LRRN3: variants seen among roughly 807,000 people sequenced by gnomAD.
The protein encoded by LRRN3 is leucine rich repeat neuronal 3, also known as leucine-rich repeat neuronal protein 3.
In LRRN3, 15 loss-of-function variants were observed where a neutral mutation model predicts 40.1. The ratio of observed to expected loss-of-function variants is 0.37; its 90% CI spans 0.25 to 0.58. The LOEUF (loss-of-function observed/expected upper bound fraction) is 0.58, where lower values mean the gene tolerates loss of function less well. LRRN3 is among the 20% of genes least tolerant of loss of function. LRRN3 has a pLI of 0.72. For missense variants in LRRN3, 746 were observed against 837.7 expected, an observed-to-expected ratio of 0.89 and a Z score of 1.35; for synonymous variants, 308 against 297.2, an observed-to-expected ratio of 1.04 and a Z score of -0.37.
In LRRN3 at chr7:111,124,995, A is replaced by T; in HGVS notation, c.*96A>T. The T allele has an allele frequency of 1.1e-6, 1 of 870,176 alleles. No homozygotes were observed. The highest frequency in any genetic ancestry group is 2.7e-5 in the East Asian group (1 of 36,454). 53.9% of individuals were successfully genotyped at this position (870,176 alleles called of 1,614,324 possible). A position where few individuals can be genotyped will look rare whatever the true frequency, so the allele number is the denominator to read the frequency against. Reference sequence around the variant, plus strand: ...AACAAAACAAAACAAACAAACAAACAAAAAAGTAAAAAAAGATTACTTTCG... The same window carrying T: ...AACAAAACAAAACAAACAAACAAACTAAAAAGTAAAAAAAGATTACTTTCG... On this transcript the variant is annotated 3_prime_UTR_variant, in exon 3 of 3. Coordinates refer to ENST00000308478, the MANE Select transcript of LRRN3 (RefSeq NM_001099658.2).
At chr7:111,098,939 A>G (rs964168479) in intron 1 of LRRN3, among the ~76,000 whole-genome samples, 3 of 151,744 alleles carry the variant, frequency 2.0e-5, no homozygotes, top group Non-Finnish European at 4.4e-5. Flanking sequence ...GTTTCATATC[A>G]TGCATTCTGC....
At chr7:111,107,863 T>C (rs377195514) in intron 2 of LRRN3, among the ~76,000 whole-genome samples, 11 of 152,180 alleles carry the variant, frequency 7.2e-5, no homozygotes, top group Non-Finnish European at 1.0e-4. Flanking sequence ...GACTCTAGCA[T>C]GCAAAGCTTA....
intron 2 of LRRN3, among the ~76,000 whole-genome samples, chr7:111,117,757 C>T (rs1404031817): frequency 6.6e-6 from 1 of 152,018 alleles, no homozygotes; most frequent in Non-Finnish European, 1.5e-5. Flanking sequence ...TACAAATGAA[C>T]TTAGCCAGCA....
rs1447814300 is a variant in LRRN3 at position 111,124,811 on chromosome 7, T to C, written c.2039T>C (p.Leu680Pro). The C allele has an allele frequency of 6.2e-7, 1 of 1,612,890 alleles. No individual in the cohort carries two copies. The highest frequency in any genetic ancestry group is 1.1e-5 in the South Asian group (1 of 91,052). The part of the protein sequence containing the change: ...TFALGELYPP[L>P]INLWEAGKEK... ...GCATTAGGTGAGCTTTATCCTCCTC[T>C]GATAAATCTCTGGGAAGCAGGAAAA... The change falls in exon 3 of 3, where the codon CTG (leucine) becomes CCG (proline). Residue 680 changes from leucine (L) to proline (P), a missense_variant. By Grantham distance (98) the Leu-to-Pro change is moderately conservative. Coordinates refer to ENST00000308478, the MANE Select transcript of LRRN3 (RefSeq NM_001099658.2).
intron 2 of LRRN3, among the ~76,000 whole-genome samples, chr7:111,121,210 T>A (rs1214226623): frequency 1.3e-5 from 2 of 152,068 alleles, no homozygotes; most frequent in Admixed American, 6.6e-5. Context: ...GTTGTTTGTT[T>A]TTTTCTTGTA....
chr7:111,105,535 T>C (rs1586298874), intron 2 of LRRN3, among the ~76,000 whole-genome samples: 2 of 151,986 alleles, frequency 1.3e-5, no homozygotes, highest in South Asian at 4.1e-4. Flanking sequence ...ATCACAAAAA[T>C]GGGTTGCTGT....
intron 2 of LRRN3, among the ~76,000 whole-genome samples, chr7:111,119,744 T>C (rs1800356481): frequency 6.6e-6 from 1 of 152,162 alleles, no homozygotes; most frequent in East Asian, 1.9e-4. Flanking sequence ...ACATACTACA[T>C]TATAATGATA....
intron 2 of LRRN3, among the ~76,000 whole-genome samples, chr7:111,103,274 C>T (rs776651279): frequency 5.3e-5 from 8 of 151,484 alleles, no homozygotes; most frequent in Non-Finnish European, 8.9e-5. Flanking sequence ...CTATCTATTC[C>T]GTTGCCAACA....
At chr7:111,110,303 A>G (rs908946501) in intron 2 of LRRN3, among the ~76,000 whole-genome samples, 1 of 152,226 alleles carries the variant, frequency 6.6e-6, no homozygotes, top group Non-Finnish European at 1.5e-5. Flanking sequence ...TCAGTCATTA[A>G]AGAAAACCTC....
intron 1 of LRRN3, chr7:111,096,980 C>T (rs1485237376): frequency 6.6e-6 from 1 of 151,682 alleles, no homozygotes; most frequent in Admixed American, 6.6e-5. Context: ...AATAAAAATC[C>T]CTTTAAAAAA....
At chr7:111,108,262 C>T (rs377407008) in intron 2 of LRRN3, among the ~76,000 whole-genome samples, 1 of 152,156 alleles carries the variant, frequency 6.6e-6, no homozygotes, top group African/African-American at 2.4e-5. Flanking sequence ...GTACTTAACA[C>T]TCAATTATAT....
At position 111,123,992 on chromosome 7, in the gene LRRN3, T is replaced by C; in HGVS notation, c.1220T>C (p.Val407Ala). 6.2e-7 allele frequency: 1 copy of C among 1,614,072 alleles called. No individual in the cohort carries two copies. Among genetic ancestry groups the C allele is most frequent in the Non-Finnish European group, 8.5e-7 (1 of 1,179,992 alleles). Residue 407 changes from valine to alanine, a missense_variant, in exon 3 of 3, where the codon GTT (valine) becomes GCT (alanine). Transcript: ENST00000308478. This position sits in a 1 kb window ranked among gnomAD's most constrained non-coding sequence, Gnocchi z 6.4. ...VDPPEFQGQN[V>A]RQVHFRDMME... is the part of the protein sequence containing the mutation. ...CCACCTGAATTCCAAGGTCAGAATG[T>C]TCGGCAAGTGCATTTCAGGGACATG...
At chr7:111,097,639 A>C (rs1011215492) in intron 1 of LRRN3, among the ~76,000 whole-genome samples, 3 of 151,944 alleles carry the variant, frequency 2.0e-5, no homozygotes, top group African/African-American at 7.2e-5. Context: ...CATACAATTC[A>C]TGTTTTTATG....
At chr7:111,100,537 TATA>T (rs1255462355) in intron 2 of LRRN3, among the ~76,000 whole-genome samples, 1 of 149,746 alleles carries the variant, frequency 6.7e-6, no homozygotes, top group African/African-American at 2.4e-5. Flanking sequence ...ACCTGATTAG[TATA>T]ATATTATTTA....
At chr7:111,097,354 A>G (rs1797511031) in intron 1 of LRRN3, 1 of 151,898 alleles carries the variant, frequency 6.6e-6, no homozygotes, top group African/African-American at 2.4e-5. Flanking sequence ...TTAACTATAG[A>G]AGACATTTAA....
intron 2 of LRRN3, among the ~76,000 whole-genome samples, chr7:111,120,908 T>C (rs954009156): frequency 1.3e-5 from 2 of 151,974 alleles, no homozygotes; most frequent in Non-Finnish European, 2.9e-5. Flanking sequence ...TATTCATTTA[T>C]TGGCCTTTTA....
chr7:111,120,888 T>C (rs1800517387), intron 2 of LRRN3, among the ~76,000 whole-genome samples: 2 of 151,942 alleles, frequency 1.3e-5, no homozygotes, highest in African/African-American at 4.8e-5. Context: ...TGGTTGTAAG[T>C]GAACAGTATT....
intron 2 of LRRN3, among the ~76,000 whole-genome samples, chr7:111,117,316 C>T (rs1297805799): frequency 6.6e-6 from 1 of 152,208 alleles, no homozygotes; most frequent in South Asian, 2.1e-4. Context: ...AATCTTACAA[C>T]TCATGCAACC....
intron 1 of LRRN3, among the ~76,000 whole-genome samples, chr7:111,096,822 A>G (rs1441657469): frequency 1.3e-5 from 2 of 151,972 alleles, no homozygotes; most frequent in Non-Finnish European, 2.9e-5. Context: ...GACACACTAA[A>G]TAAGATAAAA....
Sources: allele counts gnomAD v4.1 joint callset (sites outside exome capture counted in the v4.1 genomes callset), GRCh38; gene constraint gnomAD v4.1.1; non-coding constraint Gnocchi (gnomAD v3.1); transcripts MANE v1.5; gene names NCBI Gene and HGNC (gene_info 2026-07-23, HGNC 2026-07-21).